Variants in GABRG3 observed in about 807,000 individuals in gnomAD.
The protein encoded by GABRG3 is gamma-aminobutyric acid type A receptor subunit gamma3, also known as gamma-aminobutyric acid receptor subunit gamma-3.
GABRG3 carries 25 observed loss-of-function variants against 48.8 expected under a neutral mutation model. That is an observed-to-expected ratio of 0.51 (90% CI 0.37 to 0.72). The LOEUF (loss-of-function observed/expected upper bound fraction) is 0.72. GABRG3 is among the 30% of genes least tolerant of loss of function. The probability of loss-of-function intolerance (pLI) is 0.00; values close to 1 mark genes in which losing one functional copy is unlikely to be tolerated. For synonymous variants in GABRG3, 227 were observed against 217.6 expected, an observed-to-expected ratio of 1.04 and a Z score of -0.38; for missense variants, 394 against 577.9, an observed-to-expected ratio of 0.68 and a Z score of 3.26.
chr15:27,219,343 A>G (rs970633430), intron 3 of GABRG3, among the ~76,000 whole-genome samples: 12 of 152,142 alleles, frequency 7.9e-5, no homozygotes, highest in Non-Finnish European at 1.8e-4. Flanking sequence ...GCAGAGTCCA[A>G]TTTGGGCTCA....
intron 3 of GABRG3, among the ~76,000 whole-genome samples, chr15:27,305,144 A>T (rs540422567): frequency 7.9e-5 from 12 of 151,930 alleles, no homozygotes; most frequent in African/African-American, 2.9e-4. Context: ...TATCATTCCA[A>T]TGTCTCTGCA....
In GABRG3 at chr15:27,474,572, T is replaced by C. The variant is rs552230835; in HGVS notation, c.575-6078T>C. Reference sequence around the variant, plus strand: ...TCCCAGCTTCATTAGCTTAGTGGCATGTCAATCTCTGATCAAATGCATTCA... The same window carrying C: ...TCCCAGCTTCATTAGCTTAGTGGCACGTCAATCTCTGATCAAATGCATTCA... On this transcript the variant is annotated intron_variant, in intron 5 of 9. Coordinates refer to ENST00000615808, the MANE Select transcript of GABRG3 (RefSeq NM_033223.5). Among the ~76,000 whole-genome samples the C allele has an allele frequency of 1.4e-4, 22 of 152,300 alleles. No homozygotes were observed. In the East Asian group the frequency reaches 3.1e-3, roughly 21 times the overall value.
chr15:27,175,280 G>A (rs978662636), intron 3 of GABRG3, among the ~76,000 whole-genome samples: 4 of 152,102 alleles, frequency 2.6e-5, no homozygotes, highest in East Asian at 1.9e-4. Flanking sequence ...TGGTTTAGGG[G>A]GTATGTGTTT....
chr15:27,031,087 CAT>C lies in GABRG3; in HGVS notation c.270+4268_270+4269del, dbSNP rs1491531509. Among the ~76,000 whole-genome samples, 1,395 of 147,912 alleles carry C rather than the reference CAT, an allele frequency of 9.4e-3. 17 individuals carry two copies. Among genetic ancestry groups the C allele is most frequent in the African/African-American group, 0.03 (1,178 of 39,030 alleles). ...AGACACACACACACACACACACACA[CAT>C]ACAACACATAACACATTATTATTAA... On this transcript the variant is annotated intron_variant, in intron 3 of 9. Transcript: ENST00000615808.
chr15:27,209,925 G>A (rs1487973730), intron 3 of GABRG3, among the ~76,000 whole-genome samples: 1 of 152,192 alleles, frequency 6.6e-6, no homozygotes, highest in Non-Finnish European at 1.5e-5. Context: ...CATCCCTGGT[G>A]TCCGTCTGTG....
At position 27,397,801 on chromosome 15, in the gene GABRG3, AAT is replaced by A. The variant is rs374000785; in HGVS notation, c.574+68914_574+68915del. On this transcript the variant is annotated intron_variant, in intron 5 of 9. Coordinates refer to ENST00000615808, the MANE Select transcript of GABRG3 (RefSeq NM_033223.5). ...TTCCAAGGCATTTTCTTCTCTGAAA[AAT>A]TTTTTTTTTTTTTTTTTTTGAGACG... 2.9e-3 allele frequency among the ~76,000 whole-genome samples: 401 copies of A among 138,488 alleles called. 2 individuals carry two copies. Among genetic ancestry groups the A allele is most frequent in the South Asian group, 7.2e-3 (31 of 4,302 alleles). The allele number at this position is 138,488 out of a possible 152,430, so 90.9% of individuals were successfully genotyped here.
intron 6 of GABRG3, 177 bp downstream of exon 6, chr15:27,480,964 G>A: frequency 2.2e-6 from 3 of 1,387,468 alleles, no homozygotes; most frequent in South Asian, 1.9e-5. Flanking sequence ...GTATGGGAGA[G>A]GGATGTTAGA....
In GABRG3 at chr15:27,355,013, A is replaced by G. The variant is rs77669391; in HGVS notation, c.574+26125A>G. On this transcript the variant is annotated intron_variant, in intron 5 of 9. Transcript: ENST00000615808. ...CATTGAGAAGGAGAGAGCTCTGCCA[A>G]TAATTATGAGAGGGCAACAAAACTC... is the stretch of plus-strand genomic sequence containing the variant. Among the ~76,000 whole-genome samples the G allele has an allele frequency of 9.7e-3, 1,473 of 152,284 alleles. 25 individuals carry two copies. Among genetic ancestry groups the G allele is most frequent in the African/African-American group, 0.026 (1,082 of 41,568 alleles).
At chr15:27,061,136 G>T (rs188540711) in intron 3 of GABRG3, among the ~76,000 whole-genome samples, 1 of 152,326 alleles carries the variant, frequency 6.6e-6, no homozygotes, top group Admixed American at 6.5e-5. Flanking sequence ...CTCCCAATAA[G>T]GTAAACCTAT....
chr15:27,215,309 G>T (rs951574686), intron 3 of GABRG3, among the ~76,000 whole-genome samples: 1 of 152,100 alleles, frequency 6.6e-6, no homozygotes, highest in Non-Finnish European at 1.5e-5. Flanking sequence ...TAACTGTTGG[G>T]TGCTCTGACT....
At position 27,236,139 on chromosome 15, in the gene GABRG3, T is replaced by TG. The variant is rs1383380719; in HGVS notation, c.271-90668dup. 1.6e-4 allele frequency among the ~76,000 whole-genome samples: 25 copies of TG among 152,320 alleles called. No homozygotes were observed. The highest frequency in any genetic ancestry group is 5.8e-4 in the African/African-American group (24 of 41,568). On this transcript the variant is annotated intron_variant, in intron 3 of 9. Coordinates refer to ENST00000615808, the MANE Select transcript of GABRG3 (RefSeq NM_033223.5). This position sits in a 1 kb window ranked among gnomAD's most constrained non-coding sequence, Gnocchi z 4.4. ...TGTGTCCTGAGCCCCATCAGATCCATGGTACAGACCCAGAACACTTTTCTG... is the reference window on the plus strand; with the variant it reads ...TGTGTCCTGAGCCCCATCAGATCCATGGGTACAGACCCAGAACACTTTTCTG...
intron 3 of GABRG3, chr15:27,027,033 T>G (rs573190858): frequency 6.6e-6 from 3 of 452,558 alleles, no homozygotes; most frequent in African/African-American, 6.0e-5. Context: ...TTTTAGTTTC[T>G]TCTTTCAACA....
intron 2 of GABRG3, among the ~76,000 whole-genome samples, chr15:27,019,508 A>G (rs193223516): frequency 6.6e-6 from 1 of 152,312 alleles, no homozygotes; most frequent in East Asian, 1.9e-4. Context: ...TCTCTGTAAA[A>G]TGGGAACAGG....
chr15:27,374,215 T>G (rs769845075), intron 5 of GABRG3, among the ~76,000 whole-genome samples: 1 of 146,138 alleles, frequency 6.8e-6, no homozygotes, highest in Non-Finnish European at 1.5e-5. Flanking sequence ...CATTGCAGCC[T>G]TGACCTCCTC....
At chr15:27,295,076 A>G (rs1433784605) in intron 3 of GABRG3, 1 of 152,154 alleles carries the variant, frequency 6.6e-6, no homozygotes, top group African/African-American at 2.4e-5. Flanking sequence ...ATTCTGGGGG[A>G]AAAGAGTTCC....
intron 3 of GABRG3, among the ~76,000 whole-genome samples, chr15:27,258,070 G>T (rs180695113): frequency 5.2e-4 from 79 of 152,228 alleles, no homozygotes; most frequent in Admixed American, 2.2e-3. Context: ...CCTTGGAAAC[G>T]CCCTGCTGTC....
chr15:27,022,057 C>A (rs2064119572), intron 2 of GABRG3, among the ~76,000 whole-genome samples: 1 of 152,116 alleles, frequency 6.6e-6, no homozygotes, highest in Admixed American at 6.5e-5. Flanking sequence ...CTGCCACCTT[C>A]CCCTGGTAGA....
At chr15:27,008,876 C>T (rs1389176728) in intron 2 of GABRG3, among the ~76,000 whole-genome samples, 1 of 152,120 alleles carries the variant, frequency 6.6e-6, no homozygotes, top group African/African-American at 2.4e-5. Context: ...TTCAATGGCA[C>T]CTCGCTAGGG....
At chr15:27,104,264 A>G (rs1897411455) in intron 3 of GABRG3, among the ~76,000 whole-genome samples, 1 of 152,220 alleles carries the variant, frequency 6.6e-6, no homozygotes, top group South Asian at 2.1e-4. Context: ...ATTTCTGCTC[A>G]TGGCAATTGG....
Sources: gnomAD v4.1 joint callset for allele counts (sites outside exome capture counted in the v4.1 genomes callset) on GRCh38, gnomAD v4.1.1 for gene constraint, Gnocchi (gnomAD v3.1) non-coding constraint, MANE v1.5 for transcripts, NCBI Gene and HGNC (gene_info 2026-07-23, HGNC 2026-07-21) for gene names.